Variants in PDE4D observed in about 807,000 individuals in gnomAD.
PDE4D encodes phosphodiesterase 4D, also known as 3',5'-cyclic-AMP phosphodiesterase 4D.
PDE4D carries 24 observed loss-of-function variants against 87.4 expected under a neutral mutation model. The observed-to-expected ratio is 0.27, with a 90% confidence interval of 0.20 to 0.39. The LOEUF (loss-of-function observed/expected upper bound fraction) is 0.39. PDE4D is among the 10% of genes least tolerant of loss of function. The pLI is 1.00. For synonymous variants in PDE4D, 384 were observed against 383.2 expected (o/e 1.00, Z -0.02); for missense variants, 714 against 1,041.0 (o/e 0.69, Z 4.32).
chr5:60,221,140 G>A (rs1744449166), intron 1 of PDE4D, among the ~76,000 whole-genome samples: 1 of 151,922 alleles, frequency 6.6e-6, no homozygotes, highest in Non-Finnish European at 1.5e-5. Context: ...TTGGAGGACT[G>A]TTTATACTGT....
chr5:60,076,626 A>C (rs905515384), intron 2 of PDE4D, among the ~76,000 whole-genome samples: 9 of 152,068 alleles, frequency 5.9e-5, no homozygotes, highest in Non-Finnish European at 8.8e-5. Flanking sequence ...TGTGTGCTCT[A>C]ACCCTGGGGG....
At chr5:59,856,433 AG>A (rs1335182818) in intron 1 of PDE4D, among the ~76,000 whole-genome samples, 1 of 152,246 alleles carries the variant, frequency 6.6e-6, no homozygotes, top group African/African-American at 2.4e-5. Flanking sequence ...TGTGTACGAC[AG>A]TTAAATGCAT....
At chr5:59,161,534 GA>G (rs1276842160) in intron 5 of PDE4D, among the ~76,000 whole-genome samples, 1 of 152,184 alleles carries the variant, frequency 6.6e-6, no homozygotes, top group African/African-American at 2.4e-5. Context: ...TCCAAGAAAA[GA>G]GATCCTAAAT....
chr5:59,809,131 C>G (rs964983823), intron 1 of PDE4D, among the ~76,000 whole-genome samples: 1 of 152,150 alleles, frequency 6.6e-6, no homozygotes, highest in Non-Finnish European at 1.5e-5. Flanking sequence ...CCTTAGTTGG[C>G]GCCTCTAACA....
At position 59,276,027 on chromosome 5, in the gene PDE4D, A is replaced by T. The variant is rs185519649; in HGVS notation, c.456-60059T>A. On this transcript the variant is annotated intron_variant, in intron 1 of 14. Transcript: ENST00000340635. ...AGAATCCAGGGTTTTGTGAATGAGA[A>T]CTATCATTCAATCTCACCAGGCAGA... is the stretch of plus-strand genomic sequence containing the variant. 5.0e-4 allele frequency: 492 copies of T among 984,634 alleles called. 1 individual carries two copies. In the African/African-American group the frequency reaches 7.4e-3, roughly 15 times the overall value. The allele number at this position is 984,634 out of a possible 1,614,324, so 61.0% of individuals were successfully genotyped here. A position where few individuals can be genotyped will look rare whatever the true frequency, so the allele number is the denominator to read the frequency against.
At chr5:60,482,947 C>G (rs1184791530) in intron 1 of PDE4D, among the ~76,000 whole-genome samples, 2 of 152,072 alleles carry the variant, frequency 1.3e-5, no homozygotes, top group Non-Finnish European at 2.9e-5. Context: ...TTTTAAGTAG[C>G]AATATATATT....
chr5:59,931,904 T>C (rs536492546), intron 3 of PDE4D, among the ~76,000 whole-genome samples: 1 of 152,108 alleles, frequency 6.6e-6, no homozygotes, highest in African/African-American at 2.4e-5. Context: ...GGTTTCACCG[T>C]GTTAGCCAGG....
intron 2 of PDE4D, among the ~76,000 whole-genome samples, chr5:60,084,712 T>A (rs192444608): frequency 9.2e-5 from 14 of 152,374 alleles, no homozygotes; most frequent in African/African-American, 3.4e-4. Flanking sequence ...TAACTGTTAA[T>A]CCTGCACCCC....
At chr5:60,289,766 AT>A (rs1752726162) in intron 1 of PDE4D, among the ~76,000 whole-genome samples, 1 of 152,180 alleles carries the variant, frequency 6.6e-6, no homozygotes, top group African/African-American at 2.4e-5. Context: ...TAAATGTGCA[AT>A]TTGTTCTGTT....
intron 1 of PDE4D, among the ~76,000 whole-genome samples, chr5:59,426,624 G>A (rs1244610116): frequency 6.6e-6 from 1 of 152,034 alleles, no homozygotes; most frequent in African/African-American, 2.4e-5. Context: ...GACAGTAATG[G>A]TGTCAAGCCA....
chr5:59,640,386 T>C (rs891731723), intron 1 of PDE4D, among the ~76,000 whole-genome samples: 7 of 152,228 alleles, frequency 4.6e-5, no homozygotes, highest in Non-Finnish European at 1.0e-4. Context: ...AATCAATAAA[T>C]AACTTTTTAT....
At chr5:59,143,991 C>T (rs1000027716) in intron 5 of PDE4D, among the ~76,000 whole-genome samples, 2 of 152,208 alleles carry the variant, frequency 1.3e-5, no homozygotes, top group Non-Finnish European at 2.9e-5. Context: ...GGTACTTTAA[C>T]TCCTTCACAA....
intron 1 of PDE4D, among the ~76,000 whole-genome samples, chr5:59,231,335 C>T (rs956480908): frequency 2.0e-5 from 3 of 152,164 alleles, no homozygotes; most frequent in Non-Finnish European, 4.4e-5. Context: ...AAGAAGTTCT[C>T]GTTCCCTTGC....
chr5:59,607,936 T>C (rs187601665), intron 1 of PDE4D, among the ~76,000 whole-genome samples: 146 of 152,038 alleles, frequency 9.6e-4, no homozygotes, highest in African/African-American at 3.4e-3. Flanking sequence ...ATAGCAGGAG[T>C]AGGTAGGGAA....
At chr5:60,305,576 G>A (rs922336270) in intron 1 of PDE4D, among the ~76,000 whole-genome samples, 14 of 151,536 alleles carry the variant, frequency 9.2e-5, no homozygotes, top group Non-Finnish European at 1.2e-4. Context: ...CAGGAAAATG[G>A]GTGACATGGC....
chr5:59,795,092 C>G (rs1561674291), intron 1 of PDE4D, among the ~76,000 whole-genome samples: 1 of 152,204 alleles, frequency 6.6e-6, no homozygotes, highest in Non-Finnish European at 1.5e-5. Context: ...TAATGTAAGG[C>G]TTGGCCATGT....
At chr5:59,454,350 C>G (rs1241761933) in intron 1 of PDE4D, among the ~76,000 whole-genome samples, 14 of 152,206 alleles carry the variant, frequency 9.2e-5, no homozygotes, top group Non-Finnish European at 2.1e-4. Context: ...CAGGTCTTTC[C>G]TGCAGCATTC....
At chr5:59,976,139 C>G (rs1271022708) in intron 3 of PDE4D, among the ~76,000 whole-genome samples, 2 of 152,090 alleles carry the variant, frequency 1.3e-5, no homozygotes, top group East Asian at 3.9e-4. Flanking sequence ...AAAGTGAATA[C>G]ATTAATATAT....
intron 1 of PDE4D, among the ~76,000 whole-genome samples, chr5:59,493,493 A>G (rs979235149): frequency 6.6e-5 from 10 of 152,354 alleles, no homozygotes; most frequent in Admixed American, 6.5e-4. Flanking sequence ...AAATTAATGT[A>G]AAGTTGTTAA....
Sources: allele counts gnomAD v4.1 joint callset (sites outside exome capture counted in the v4.1 genomes callset), GRCh38; gene constraint gnomAD v4.1.1; transcripts MANE v1.5; gene names NCBI Gene and HGNC (gene_info 2026-07-23, HGNC 2026-07-21).